The following HAUS6 variants were observed in gnomAD, a reference collection of about 807,000 sequenced individuals.
The protein encoded by HAUS6 is HAUS augmin like complex subunit 6.
In HAUS6, 80 loss-of-function variants were observed where a neutral mutation model predicts 106.8. That is an observed-to-expected ratio of 0.75 (90% CI 0.63 to 0.90). HAUS6 has a LOEUF of 0.90. Ranked by LOEUF, HAUS6 falls within the 40% of genes least tolerant of loss-of-function variation. The pLI, the probability that HAUS6 is intolerant of heterozygous loss-of-function variation, is 0.00. For synonymous variants in HAUS6, 356 were observed against 379.1 expected, an observed-to-expected ratio of 0.94 and a Z score of 0.71; for missense variants, 1,155 against 1,118.1, an observed-to-expected ratio of 1.03 and a Z score of -0.47.
At chr9:19,092,892 T>C (rs932591485) in intron 4 of HAUS6, among the ~76,000 whole-genome samples, 2 of 139,520 alleles carry the variant, frequency 1.4e-5, no homozygotes, top group Admixed American at 1.5e-4. Flanking sequence ...AGCATTGCAC[T>C]CCAGCTTGAG....
At chr9:19,074,036 C>A (rs1169873297) in intron 11 of HAUS6, 1 of 152,146 alleles carries the variant, frequency 6.6e-6, no homozygotes, top group Non-Finnish European at 1.5e-5. Flanking sequence ...TGGCTGAGCT[C>A]AGGAGTTTGA....
chr9:19,070,188 G>C (rs776737087), intron 12 of HAUS6, 31 bp downstream of exon 12: 2 of 1,231,722 alleles, frequency 1.6e-6, no homozygotes, highest in Non-Finnish European at 2.4e-6. Flanking sequence ...GTTTTTTAAT[G>C]TTTAACAAAA....
rs1353997847 is a variant in HAUS6 at position 19,054,099 on chromosome 9, A to G, written c.*2244T>C. On this transcript the variant is annotated 3_prime_UTR_variant, in exon 17 of 17. Transcript: ENST00000380502. ...AGTGAGATTTTTTTCTGAGGCTTAAAAGAGAGCTGTAATTGTGGTAAACTA... is the reference window on the plus strand; with the variant it reads ...AGTGAGATTTTTTTCTGAGGCTTAAGAGAGAGCTGTAATTGTGGTAAACTA... 2 of 152,172 alleles carry G rather than the reference A, an allele frequency of 1.3e-5. No homozygotes were observed. The highest frequency in any genetic ancestry group is 2.9e-5 in the Non-Finnish European group (2 of 68,026). 9.4% of individuals were successfully genotyped at this position (152,172 alleles called of 1,614,324 possible). A position where few individuals can be genotyped will look rare whatever the true frequency, so the allele number is the denominator to read the frequency against.
chr9:19,075,975 A>AC (rs1228341191), intron 11 of HAUS6, among the ~76,000 whole-genome samples: 228 of 147,722 alleles, frequency 1.5e-3, no homozygotes, highest in Middle Eastern at 3.6e-3. Context: ...AAAAAAAAAA[A>AC]AAAACACAAG....
At chr9:19,079,748 C>G (rs571405202) in intron 9 of HAUS6, among the ~76,000 whole-genome samples, 6 of 150,888 alleles carry the variant, frequency 4.0e-5, no homozygotes, top group Non-Finnish European at 8.9e-5. Flanking sequence ...ACTAAAAATA[C>G]AAAAATTAGC....
At chr9:19,102,261 C>T (rs958261954) in intron 1 of HAUS6, among the ~76,000 whole-genome samples, 12 of 152,188 alleles carry the variant, frequency 7.9e-5, no homozygotes, top group African/African-American at 2.9e-4. Flanking sequence ...CAGAGTTAAG[C>T]TGCTCCTCCA....
At chr9:19,066,173 T>G (rs1222994896) in intron 12 of HAUS6, among the ~76,000 whole-genome samples, 5 of 151,920 alleles carry the variant, frequency 3.3e-5, no homozygotes, top group Non-Finnish European at 5.9e-5. Flanking sequence ...TGACCTCAGG[T>G]GATCTGCCTG....
rs537996199 is a variant in HAUS6 at position 19,079,318 on chromosome 9, G to A, written c.1065-1016C>T. 1.9e-4 allele frequency among the ~76,000 whole-genome samples: 29 copies of A among 148,758 alleles called. No homozygotes were observed. The Middle Eastern group carries it at 0.014, about 73-fold the overall frequency. ...GCAATCTCAGCTCACTGCAACCTCT[G>A]CCTCCCAGGTTCAAGTGATTCTCCT... On this transcript the variant is annotated intron_variant, in intron 9 of 16. Coordinates refer to ENST00000380502, the MANE Select transcript of HAUS6 (RefSeq NM_017645.5).
At chr9:19,076,577 A>G (rs1348937905) in intron 11 of HAUS6, 25 bp downstream of exon 11, 1 of 1,022,626 alleles carries the variant, frequency 9.8e-7, no homozygotes, top group African/African-American at 1.6e-5. Flanking sequence ...GGTTTCAAAG[A>G]GAAAAAAATA....
chr9:19,082,972 C>G lies in HAUS6; in HGVS notation c.771G>C (p.Ser257=). ...CATATTGGTTAACAAGACTAAGGAC[C>G]GAACTAACAACTTCTCTCTCTTTTT... ...FLEKEREVVS[S]VLSLVNQYAL... is the part of the protein sequence containing the mutation. Residue 257 remains serine (S), a synonymous_variant, in exon 8 of 17, where the codon TCG becomes TCC. Coordinates refer to ENST00000380502, the MANE Select transcript of HAUS6 (RefSeq NM_017645.5). 1 of 1,570,342 alleles carries G rather than the reference C, an allele frequency of 6.4e-7. No individual in the cohort carries two copies. The highest frequency in any genetic ancestry group is 1.4e-5 in the African/African-American group (1 of 73,500).
intron 2 of HAUS6, 115 bp downstream of exon 2, chr9:19,096,559 C>G: frequency 1.9e-6 from 1 of 513,150 alleles, no homozygotes. Flanking sequence ...AGTGAGACTC[C>G]GTCTCAAAAA....
Position 19,079,230 on chromosome 9 carries a change from CTTT to C in HAUS6, c.1065-931_1065-929del, listed in dbSNP as rs568828420. Among the ~76,000 whole-genome samples, 35 of 129,516 alleles carry C rather than the reference CTTT, an allele frequency of 2.7e-4. 1 individual carries two copies. Among genetic ancestry groups the C allele is most frequent in the African/African-American group, 8.9e-4 (32 of 35,968 alleles). 85.0% of individuals were successfully genotyped at this position (129,516 alleles called of 152,430 possible). A position where few individuals can be genotyped will look rare whatever the true frequency, so the allele number is the denominator to read the frequency against. On this transcript the variant is annotated intron_variant, in intron 9 of 16. Coordinates refer to ENST00000380502, the MANE Select transcript of HAUS6 (RefSeq NM_017645.5). ...TTACTCCATTTTATTATTTTTTTTT[CTTT>C]TTTTTTTTTTATTGAGATGGAGTCT...
rs958801629 is a variant in HAUS6, at chr9:19,078,453, C to A, written c.1065-151G>T. On this transcript the variant is annotated intron_variant, in intron 9 of 16. Transcript: ENST00000380502. Reference sequence around the variant, plus strand: ...CACATATAAATTAAATAAACTCTCACAGGTGAATATTCAGAACCTAAAATA... The same window carrying A: ...CACATATAAATTAAATAAACTCTCAAAGGTGAATATTCAGAACCTAAAATA... The A allele has an allele frequency of 2.4e-5, 14 of 575,466 alleles. No homozygotes were observed. The Admixed American group carries it at 4.3e-4, about 18-fold the overall frequency. The allele number at this position is 575,466 out of a possible 1,614,324, so 35.6% of individuals were successfully genotyped here.
In HAUS6 at chr9:19,058,308, C is replaced by G; in HGVS notation, c.2459G>C (p.Arg820Thr). The G allele has an allele frequency of 1.2e-6, 2 of 1,613,364 alleles. No homozygotes were observed. The highest frequency in any genetic ancestry group is 4.5e-5 in the East Asian group (2 of 44,890). The change falls in exon 16 of 17, where the codon AGA (arginine) becomes ACA (threonine). Residue 820 changes from arginine to threonine, a missense_variant. Coordinates refer to ENST00000380502, the MANE Select transcript of HAUS6 (RefSeq NM_017645.5). ...GTLLEDVVGG[R>T]QTTPESDFNL... ...AAAGTCTGATTCTGGAGTAGTCTGT[C>G]TCCCTCCCACAACATCTTCTAGAAG...
Position 19,102,447 on chromosome 9 carries a change from CGG to C in HAUS6, c.128+75_128+76del, listed in dbSNP as rs887175682. 7.0e-5 allele frequency: 103 copies of C among 1,473,740 alleles called. No homozygotes were observed. In the East Asian group the frequency reaches 1.4e-3, roughly 20 times the overall value. 91.3% of individuals were successfully genotyped at this position (1,473,740 alleles called of 1,614,324 possible). A position where few individuals can be genotyped will look rare whatever the true frequency, so the allele number is the denominator to read the frequency against. The stretch of plus-strand genomic sequence containing the variant: ...CAACCAATTCTGATTAATCAACCTC[CGG>C]GGTCTACAAAAGGGGGAGTCCCCCG... On this transcript the variant is annotated intron_variant, in intron 1 of 16. Transcript: ENST00000380502.
At chr9:19,062,540 G>A (rs1361076413) in intron 14 of HAUS6, among the ~76,000 whole-genome samples, 5 of 152,176 alleles carry the variant, frequency 3.3e-5, no homozygotes, top group African/African-American at 7.2e-5. Context: ...TTTTGAGGAA[G>A]ACCAATTTTG....
intron 7 of HAUS6, among the ~76,000 whole-genome samples, chr9:19,086,409 T>C (rs1305258395): frequency 6.6e-6 from 1 of 152,058 alleles, no homozygotes; most frequent in Non-Finnish European, 1.5e-5. Flanking sequence ...TCATCTGAGC[T>C]CAAGAGTTCA....
At chr9:19,086,212 G>A (rs1837291662) in intron 7 of HAUS6, among the ~76,000 whole-genome samples, 1 of 152,054 alleles carries the variant, frequency 6.6e-6, no homozygotes, top group Non-Finnish European at 1.5e-5. Context: ...TAGGGAGGCT[G>A]AGGCAGGAGA....
chr9:19,076,603 T>G lies in HAUS6; in HGVS notation c.1293A>C (p.Pro431=). The change falls in exon 11 of 17, where the codon CCA becomes CCC. Residue 431 remains proline (P), a splice_region_variant and synonymous_variant. Transcript: ENST00000380502. Reference sequence around the variant, plus strand: ...GAAAAAAATAAATAAATAACCAACCTGGAAGTGAAGCAGGATACTGACAAA... The same window carrying G: ...GAAAAAAATAAATAAATAACCAACCGGGAAGTGAAGCAGGATACTGACAAA... The part of the protein sequence containing the change: ...SILCQYPASL[P]DAHKQHNQEN... The G allele has an allele frequency of 6.8e-7, 1 of 1,480,994 alleles. No homozygotes were observed. The highest frequency in any genetic ancestry group is 9.4e-7 in the Non-Finnish European group (1 of 1,064,508). 91.7% of individuals were successfully genotyped at this position (1,480,994 alleles called of 1,614,324 possible).
Sources: gnomAD v4.1 joint callset for allele counts (sites outside exome capture counted in the v4.1 genomes callset) on GRCh38, gnomAD v4.1.1 for gene constraint, MANE v1.5 for transcripts, NCBI Gene and HGNC (gene_info 2026-07-23, HGNC 2026-07-21) for gene names.